Variants in ABCC11 observed in about 807,000 individuals in gnomAD.
ABCC11 encodes the protein ATP binding cassette subfamily C member 11.
In ABCC11, 135 loss-of-function variants were observed where a neutral mutation model predicts 149.3. The ratio of observed to expected loss-of-function variants is 0.90; its 90% CI spans 0.79 to 1.04. The LOEUF (loss-of-function observed/expected upper bound fraction) is 1.04. Among genes scored for constraint, ABCC11 ranks in the 50% least tolerant of loss-of-function variants. The pLI is 0.00. For missense variants in ABCC11, 1,680 were observed against 1,722.1 expected (o/e 0.98, Z 0.43); for synonymous variants, 665 against 671.4 (o/e 0.99, Z 0.15).
intron 1 of ABCC11, among the ~76,000 whole-genome samples, chr16:48,246,478 A>G (rs1971393747): frequency 6.6e-6 from 1 of 152,256 alleles, no homozygotes; most frequent in Non-Finnish European, 1.5e-5. Flanking sequence ...CCATGGGCAC[A>G]TTGTGAACTT....
chr16:48,222,955 A>ACT lies in ABCC11; in HGVS notation c.544-126_544-125dup. On this transcript the variant is annotated intron_variant, in intron 5 of 29. Coordinates refer to ENST00000356608, the MANE Select transcript of ABCC11 (RefSeq NM_001370497.1). ...GGGGTTTGTTGAAGGATCAAAACTG[A>ACT]CTCAAGTACAATCCTGCCCTCAAGA... The ACT allele has an allele frequency of 1.9e-5, 15 of 809,684 alleles. No homozygotes were observed. The South Asian group carries it at 2.5e-4, about 13-fold the overall frequency. 50.2% of individuals were successfully genotyped at this position (809,684 alleles called of 1,614,324 possible).
Position 48,167,575 on chromosome 16 carries a change from C to G in ABCC11, c.3977G>C (p.Gly1326Ala). ...GTGGGCAATGACGAGCACGGTGCAG[C>G]CCTGGAAGGCTTCACGGATTGTGCG... The part of the protein sequence containing the change: ...IQRTIREAFQ[G>A]CTVLVIAHRV... Residue 1326 changes from glycine (G) to alanine (A), a missense_variant, in exon 29 of 30, where the codon GGC becomes GCC. Coordinates refer to ENST00000356608, the MANE Select transcript of ABCC11 (RefSeq NM_001370497.1). 4 of 1,614,174 alleles carry G rather than the reference C, an allele frequency of 2.5e-6. No homozygotes were observed. Among genetic ancestry groups the G allele is most frequent in the South Asian group, 1.1e-5 (1 of 91,086 alleles).
At chr16:48,244,085 A>C in intron 1 of ABCC11, 1 of 297,464 alleles carries the variant, frequency 3.4e-6, no homozygotes, top group Non-Finnish European at 6.1e-6. Flanking sequence ...AAAACGTTAA[A>C]AACACTTCAA....
chr16:48,170,120 C>T lies in ABCC11; in HGVS notation c.3876G>A (p.Val1292=), dbSNP rs1438029972. 1 of 1,613,824 alleles carries T rather than the reference C, an allele frequency of 6.2e-7. No homozygotes were observed. The highest frequency in any genetic ancestry group is 8.5e-7 in the Non-Finnish European group (1 of 1,179,884). The change falls in exon 28 of 30, where the codon GTG becomes GTA. Residue 1292 remains valine (V), a synonymous_variant. Transcript: ENST00000356608. ...ERQLLCIARA[V]LRNSKIILID... is the part of the protein sequence containing the mutation. ...GTGGCCTCACCTTGGAGTTGCGAAG[C>T]ACAGCCCTGGCAATGCAGAGCAGCT...
Position 48,205,394 on chromosome 16 carries a change from T to TC in ABCC11, c.1805+18dup. 6.2e-7 allele frequency: 1 copy of TC among 1,613,944 alleles called. No homozygotes were observed. Among genetic ancestry groups the TC allele is most frequent in the South Asian group, 1.1e-5 (1 of 91,034 alleles). Reference sequence around the variant, plus strand: ...AGCCACATGCCCTGTACTCTCCCTTTCCCCTCCCAGGAGCTTACCGGGCCT... The same window carrying TC: ...AGCCACATGCCCTGTACTCTCCCTTTCCCCCTCCCAGGAGCTTACCGGGCCT... On this transcript the variant is annotated intron_variant, in intron 13 of 29. Transcript: ENST00000356608.
At chr16:48,246,198 G>A (rs1179218714) in intron 1 of ABCC11, among the ~76,000 whole-genome samples, 1 of 151,880 alleles carries the variant, frequency 6.6e-6, no homozygotes, top group Non-Finnish European at 1.5e-5. Flanking sequence ...TATTGTAAAA[G>A]CCTTGATTTT....
chr16:48,172,212 A>C (rs1965767416), intron 26 of ABCC11, among the ~76,000 whole-genome samples: 1 of 152,068 alleles, frequency 6.6e-6, no homozygotes, highest in African/African-American at 2.4e-5. Context: ...CCTTCTTTTT[A>C]GAGCTGCATA....
chr16:48,183,718 G>A (rs1157695429), intron 23 of ABCC11, among the ~76,000 whole-genome samples: 3 of 152,190 alleles, frequency 2.0e-5, no homozygotes, highest in Non-Finnish European at 2.9e-5. Context: ...AGCCAAGATC[G>A]TGCCACTGTG....
intron 22 of ABCC11, among the ~76,000 whole-genome samples, chr16:48,186,350 C>G (rs184136222): frequency 7.9e-5 from 12 of 152,316 alleles, no homozygotes; most frequent in Admixed American, 5.9e-4. Flanking sequence ...TGCTATCTAC[C>G]TTCTTCAATC....
intron 28 of ABCC11, among the ~76,000 whole-genome samples, chr16:48,168,519 G>C (rs1413801180): frequency 6.6e-6 from 1 of 152,184 alleles, no homozygotes; most frequent in Non-Finnish European, 1.5e-5. Context: ...ACATGTGTGA[G>C]TATGGAGAAG....
intron 1 of ABCC11, among the ~76,000 whole-genome samples, chr16:48,238,806 G>A (rs1214182392): frequency 1.3e-5 from 2 of 151,382 alleles, no homozygotes; most frequent in Admixed American, 6.6e-5. Flanking sequence ...GCTTGGTGGT[G>A]GGAACCTGTA....
intron 7 of ABCC11, 75 bp downstream of exon 7, chr16:48,216,039 C>T: frequency 6.8e-7 from 1 of 1,471,312 alleles, no homozygotes; most frequent in Non-Finnish European, 9.4e-7. Context: ...TGTTCTCACT[C>T]AGAGCTATCC....
At chr16:48,244,950 T>A (rs1298514578) in intron 1 of ABCC11, among the ~76,000 whole-genome samples, 1 of 152,184 alleles carries the variant, frequency 6.6e-6, no homozygotes, top group Non-Finnish European at 1.5e-5. Context: ...CTTTTAACTT[T>A]CCAGGCCCTT....
chr16:48,193,296 T>G (rs1021650758), intron 19 of ABCC11, among the ~76,000 whole-genome samples: 1 of 152,192 alleles, frequency 6.6e-6, no homozygotes, highest in Admixed American at 6.5e-5. Context: ...CCAAACCTCC[T>G]GGTACACGAT....
Position 48,214,971 on chromosome 16 carries a change from T to C in ABCC11, c.1158A>G (p.Thr386=). The change falls in exon 9 of 30, where the codon ACA becomes ACG. Residue 386 remains threonine (T), a synonymous_variant. Coordinates refer to ENST00000356608, the MANE Select transcript of ABCC11 (RefSeq NM_001370497.1). ...LEKCGLVQSL[T]SITLFIIPTV... is the part of the protein sequence containing the mutation. ...TGGGGATGATGAACAAGGTTATACT[T>C]GTCAGGCTCTGGACAAGCCCGCACT... 1 of 1,614,190 alleles carries C rather than the reference T, an allele frequency of 6.2e-7. No homozygotes were observed. The highest frequency in any genetic ancestry group is 8.5e-7 in the Non-Finnish European group (1 of 1,180,042).
intron 14 of ABCC11, 101 bp from the exon 15 acceptor site, chr16:48,200,580 G>T: frequency 1.7e-6 from 2 of 1,208,892 alleles, no homozygotes; most frequent in South Asian, 2.9e-5. Flanking sequence ...CCTCAGTACA[G>T]ACCAAGATAT....
chr16:48,232,088 C>T (rs927331875), intron 1 of ABCC11, 149 bp from the exon 2 acceptor site: 41 of 1,412,282 alleles, frequency 2.9e-5, no homozygotes, highest in Non-Finnish European at 9.2e-6. Context: ...CTTTCCTCTC[C>T]TTAGCCTGTG....
At chr16:48,176,570 G>A (rs1258623791) in intron 25 of ABCC11, among the ~76,000 whole-genome samples, 2 of 152,036 alleles carry the variant, frequency 1.3e-5, no homozygotes, top group African/African-American at 2.4e-5. Flanking sequence ...GCTCCTGCCC[G>A]GACCCTATAC....
At position 48,213,457 on chromosome 16, in the gene ABCC11, CT is replaced by C; in HGVS notation, c.1341del (p.Val448Ter). On this transcript the variant is annotated frameshift_variant, in exon 10 of 30. Transcript: ENST00000356608. LOFTEE classifies it high-confidence loss of function. ...AVKGLTNSKS[A>X]VMRFKKFFLQ... ...TGATGACCTACCTTGAACCTCATCA[CT>C]GCAGACTTGGAATTCGTGAGACCTT... is the stretch of plus-strand genomic sequence containing the variant. 6.2e-7 allele frequency: 1 copy of C among 1,612,556 alleles called. No individual in the cohort carries two copies. Among genetic ancestry groups the C allele is most frequent in the Non-Finnish European group, 8.5e-7 (1 of 1,179,244 alleles).
Sources: allele counts gnomAD v4.1 joint callset (sites outside exome capture counted in the v4.1 genomes callset), GRCh38; gene constraint gnomAD v4.1.1; transcripts MANE v1.5; gene names NCBI Gene and HGNC (gene_info 2026-07-23, HGNC 2026-07-21).